The following KIF21A variants were observed in gnomAD, a reference collection of about 807,000 sequenced individuals.
KIF21A encodes kinesin-like protein KIF21A.
KIF21A carries 114 observed loss-of-function variants against 202.9 expected under a neutral mutation model. The ratio of observed to expected loss-of-function variants is 0.56; its 90% CI spans 0.48 to 0.66. KIF21A has a LOEUF of 0.66. Ranked by LOEUF, KIF21A falls within the 30% of genes least tolerant of loss-of-function variation. The pLI, the probability that KIF21A is intolerant of heterozygous loss-of-function variation, is 0.00. For missense variants in KIF21A, 1,677 were observed against 1,994.9 expected (o/e 0.84, Z 3.04); for synonymous variants, 667 against 670.8 (o/e 0.99, Z 0.09).
chr12:39,361,860 ATT>A (rs1949260903), intron 7 of KIF21A, among the ~76,000 whole-genome samples: 1 of 152,218 alleles, frequency 6.6e-6, no homozygotes, highest in African/African-American at 2.4e-5. Flanking sequence ...AGGATTTAAT[ATT>A]ATCCAAAATT....
intron 1 of KIF21A, among the ~76,000 whole-genome samples, chr12:39,424,303 T>C (rs1402578163): frequency 6.6e-6 from 1 of 152,190 alleles, no homozygotes; most frequent in Non-Finnish European, 1.5e-5. Context: ...CTAACCGCTC[T>C]TCTCCAGTAT....
intron 1 of KIF21A, among the ~76,000 whole-genome samples, chr12:39,419,365 G>C (rs543921184): frequency 3.0e-4 from 46 of 152,306 alleles, no homozygotes; most frequent in African/African-American, 1.1e-3. Flanking sequence ...ACTGTAAGAT[G>C]CAAGGCTCAG....
intron 8 of KIF21A, among the ~76,000 whole-genome samples, chr12:39,357,838 G>A (rs11171834): frequency 0.085 from 12,043 of 141,540 alleles, 623 homozygotes; most frequent in South Asian, 0.29. Flanking sequence ...TAACCCGGGA[G>A]GCGGAAGTTG....
chr12:39,310,202 A>T (rs1317386149), intron 32 of KIF21A, among the ~76,000 whole-genome samples: 1 of 152,086 alleles, frequency 6.6e-6, no homozygotes, highest in East Asian at 1.9e-4. Flanking sequence ...TTGATAAATT[A>T]TATTTTTATT....
rs759914551 is a variant in KIF21A, at chr12:39,358,402, A to C, written c.1020-29T>G. The C allele has an allele frequency of 3.1e-6, 5 of 1,591,240 alleles. No homozygotes were observed. The South Asian group carries it at 5.5e-5, about 18-fold the overall frequency. ...AAAGTTACAAATAATAGTTAGGCTT[A>C]CACATAAAAGCACCTAAAATGCTAA... On this transcript the variant is annotated intron_variant, in intron 7 of 37. Coordinates refer to ENST00000361418, the MANE Select transcript of KIF21A (RefSeq NM_001173464.2).
chr12:39,389,219 C>T (rs1194262865), intron 1 of KIF21A, among the ~76,000 whole-genome samples: 1 of 147,272 alleles, frequency 6.8e-6, no homozygotes. Flanking sequence ...CACATATATA[C>T]ATACATGCTG....
chr12:39,318,490 C>T (rs1565728213), intron 28 of KIF21A, among the ~76,000 whole-genome samples: 1 of 152,056 alleles, frequency 6.6e-6, no homozygotes, highest in East Asian at 1.9e-4. Context: ...ATTTTAGAAT[C>T]AAGAGAAAGT....
At chr12:39,375,504 G>A (rs1950216257) in intron 1 of KIF21A, among the ~76,000 whole-genome samples, 1 of 152,126 alleles carries the variant, frequency 6.6e-6, no homozygotes, top group Non-Finnish European at 1.5e-5. Context: ...GACCTGGCTT[G>A]CTTCTGCTTA....
intron 16 of KIF21A, among the ~76,000 whole-genome samples, chr12:39,338,147 A>G (rs959981388): frequency 6.6e-6 from 1 of 152,162 alleles, no homozygotes; most frequent in Non-Finnish European, 1.5e-5. Flanking sequence ...CCAGTGAGAC[A>G]AGATGGGGAG....
chr12:39,325,707 A>G lies in KIF21A; in HGVS notation c.3456+132T>C, dbSNP rs1025158766. On this transcript the variant is annotated intron_variant, in intron 26 of 37. Transcript: ENST00000361418. ...AGGGAAATATGATTAAAAAAACTAA[A>G]TAAAGAAGAGCTTTAGTAAAACCAT... 7.4e-6 allele frequency: 5 copies of G among 677,664 alleles called. No individual in the cohort carries two copies. In the Admixed American group the frequency reaches 1.3e-4, roughly 17 times the overall value. 42.0% of individuals were successfully genotyped at this position (677,664 alleles called of 1,614,324 possible). A position where few individuals can be genotyped will look rare whatever the true frequency, so the allele number is the denominator to read the frequency against.
intron 31 of KIF21A, among the ~76,000 whole-genome samples, chr12:39,313,918 A>G (rs913083603): frequency 2.6e-5 from 4 of 151,954 alleles, no homozygotes; most frequent in African/African-American, 9.6e-5. Context: ...TCTGTAGACT[A>G]TATTACATAA....
In KIF21A at chr12:39,315,713, C is replaced by A. The variant is rs1312443945; in HGVS notation, c.3947+219G>T. On this transcript the variant is annotated intron_variant, in intron 30 of 37. Coordinates refer to ENST00000361418, the MANE Select transcript of KIF21A (RefSeq NM_001173464.2). Reference sequence around the variant, plus strand: ...GATTACAGACAGAAAACAGGTATCACAATTTTTAAACTATTATACAAAAAA... The same window carrying A: ...GATTACAGACAGAAAACAGGTATCAAAATTTTTAAACTATTATACAAAAAA... 6.7e-6 allele frequency: 4 copies of A among 598,748 alleles called. No individual in the cohort carries two copies. In the East Asian group the frequency reaches 1.2e-4, roughly 17 times the overall value. The allele number at this position is 598,748 out of a possible 1,614,324, so 37.1% of individuals were successfully genotyped here.
At chr12:39,317,940 C>A in intron 29 of KIF21A, 133 bp downstream of exon 29, 4 of 882,314 alleles carry the variant, frequency 4.5e-6, no homozygotes, top group Non-Finnish European at 1.8e-6. Flanking sequence ...TGGAAAGATG[C>A]ATAAAATATG....
intron 37 of KIF21A, among the ~76,000 whole-genome samples, chr12:39,298,478 G>A (rs1368858029): frequency 6.6e-6 from 1 of 151,872 alleles, no homozygotes; most frequent in Non-Finnish European, 1.5e-5. Flanking sequence ...GACCGGTATA[G>A]TAGAGAGATA....
chr12:39,344,071 T>A (rs1368524656), intron 12 of KIF21A, among the ~76,000 whole-genome samples: 1 of 152,112 alleles, frequency 6.6e-6, no homozygotes, highest in African/African-American at 2.4e-5. Context: ...TGTAACAGGG[T>A]TCCATGAGTG....
In KIF21A at chr12:39,351,944, G is replaced by T; in HGVS notation, c.1506C>A (p.Asn502Lys). 6.2e-7 allele frequency: 1 copy of T among 1,613,208 alleles called. No individual in the cohort carries two copies. Among genetic ancestry groups the T allele is most frequent in the Non-Finnish European group, 8.5e-7 (1 of 1,179,444 alleles). The change falls in exon 11 of 38, where the codon AAC becomes AAA. Residue 502 changes from asparagine to lysine, a missense_variant. By Grantham distance (94) the Asn-to-Lys change is moderately conservative. Coordinates refer to ENST00000361418, the MANE Select transcript of KIF21A (RefSeq NM_001173464.2). ...TGGCTCTTGTCAAGTTTTTTCGAAGGTTCTCATTCACTGCTTCACTTTCTA... is the reference window on the plus strand; with the variant it reads ...TGGCTCTTGTCAAGTTTTTTCGAAGTTTCTCATTCACTGCTTCACTTTCTA... ...KLLESEAVNE[N>K]LRKNLTRATA... is the part of the protein sequence containing the mutation.
intron 6 of KIF21A, among the ~76,000 whole-genome samples, chr12:39,365,217 A>G (rs1275214309): frequency 6.6e-6 from 1 of 152,150 alleles, no homozygotes; most frequent in Non-Finnish European, 1.5e-5. Context: ...GAATTTTTGG[A>G]GAGACTAATT....
At chr12:39,298,581 C>A (rs1019355724) in intron 37 of KIF21A, among the ~76,000 whole-genome samples, 4 of 152,088 alleles carry the variant, frequency 2.6e-5, no homozygotes, top group Admixed American at 2.0e-4. Context: ...CTACTCTAGA[C>A]CTACCTAACA....
intron 27 of KIF21A, chr12:39,322,355 G>C (rs1409689198): frequency 4.4e-6 from 1 of 228,228 alleles, no homozygotes; most frequent in Non-Finnish European, 8.5e-6. Context: ...GGTTTTATAG[G>C]TATAACTTTA....
Sources: gnomAD v4.1 joint callset for allele counts (sites outside exome capture counted in the v4.1 genomes callset) on GRCh38, gnomAD v4.1.1 for gene constraint, MANE v1.5 for transcripts, NCBI Gene and HGNC (gene_info 2026-07-23, HGNC 2026-07-21) for gene names.